PTER: variants seen among roughly 807,000 people sequenced by gnomAD.
The protein encoded by PTER is N-acetyltaurine hydrolase.
A neutral mutation model predicts 29.6 loss-of-function variants in PTER; 38 were observed. The observed-to-expected ratio is 1.28, with a 90% CI of 0.99 to 1.68. The LOEUF (loss-of-function observed/expected upper bound fraction) is 1.68, where lower values mean the gene tolerates loss of function less well. Among genes scored for constraint, PTER ranks in the 40% most tolerant of loss-of-function variants. PTER has a pLI of 0.00. For synonymous variants in PTER, 172 were observed against 154.5 expected, an observed-to-expected ratio of 1.11 and a Z score of -0.84; for missense variants, 482 against 427.8, an observed-to-expected ratio of 1.13 and a Z score of -1.12.
At chr10:16,505,258 C>G (rs1451731168) in intron 4 of PTER, 98 bp downstream of exon 4, 9 of 1,418,772 alleles carry the variant, frequency 6.3e-6, no homozygotes, top group Non-Finnish European at 7.7e-6. Context: ...AAACAGTAAG[C>G]AGGCCGAACC....
downstream of PTER, chr10:16,514,088 A>G: frequency 2.6e-6 from 1 of 381,086 alleles, no homozygotes; most frequent in African/African-American, 2.1e-5. Context: ...TGCAGGGCAA[A>G]AATCATTCTT....
chr10:16,452,634 C>T (rs115282833), intron 1 of PTER, among the ~76,000 whole-genome samples: 2,709 of 151,728 alleles, frequency 0.018, 90 homozygotes, highest in African/African-American at 0.063. Context: ...TCCTCCTCCT[C>T]CTTCTTCCTC....
rs1834508366 is a variant in PTER at position 16,458,952 on chromosome 10, T to C, written c.-49+21905T>C. ...CAATTTTTTCCATGAATAATAACCT[T>C]TTATATATACAACAAAATTAGTCCA... is the stretch of plus-strand genomic sequence containing the variant. On this transcript the variant is annotated intron_variant, in intron 1 of 4. Coordinates refer to ENST00000535784, the MANE Select transcript of PTER (RefSeq NM_001261836.2). Among the ~76,000 whole-genome samples the C allele has an allele frequency of 2.0e-5, 3 of 152,292 alleles. 1 individual carries two copies. Among genetic ancestry groups the C allele is most frequent in the African/African-American group, 2.4e-5 (1 of 41,550 alleles).
At chr10:16,479,741 A>G (rs984926459) in intron 1 of PTER, among the ~76,000 whole-genome samples, 2 of 151,892 alleles carry the variant, frequency 1.3e-5, no homozygotes, top group Non-Finnish European at 2.9e-5. Context: ...TGCCATCTAC[A>G]CTGGTGTCAT....
intron 4 of PTER, among the ~76,000 whole-genome samples, chr10:16,508,262 G>T (rs1328771752): frequency 2.0e-5 from 3 of 151,782 alleles, no homozygotes; most frequent in African/African-American, 4.8e-5. Flanking sequence ...TAGAGACGGG[G>T]TTTCACCGTG....
At chr10:16,481,292 C>T (rs1165495787) in intron 1 of PTER, among the ~76,000 whole-genome samples, 1 of 152,160 alleles carries the variant, frequency 6.6e-6, no homozygotes, top group Non-Finnish European at 1.5e-5. Context: ...CCTGTTTGCA[C>T]CATTGGGTAT....
chr10:16,449,428 CTTTTTTTTTTT>C (rs35475659), intron 1 of PTER, among the ~76,000 whole-genome samples: 2 of 101,858 alleles, frequency 2.0e-5, no homozygotes, highest in South Asian at 7.3e-4. Flanking sequence ...CAATAATTTT[CTTTTTTTTTTT>C]TTTTTTTTTT....
chr10:16,449,921 C>T (rs189896509), intron 1 of PTER, among the ~76,000 whole-genome samples: 1 of 152,160 alleles, frequency 6.6e-6, no homozygotes, highest in African/African-American at 2.4e-5. Context: ...TTTTGATTCA[C>T]ATTTCAGCTA....
intron 3 of PTER, among the ~76,000 whole-genome samples, chr10:16,501,182 C>T (rs1235259381): frequency 1.3e-5 from 2 of 151,876 alleles, no homozygotes; most frequent in Non-Finnish European, 2.9e-5. Context: ...CCACCTGCCT[C>T]AGCCTCCCAA....
intron 3 of PTER, among the ~76,000 whole-genome samples, chr10:16,501,117 G>A (rs2133491805): frequency 6.6e-6 from 1 of 151,936 alleles, no homozygotes; most frequent in East Asian, 1.9e-4. Flanking sequence ...TTTTAGTAAA[G>A]CCAGGGTTTC....
intron 1 of PTER, among the ~76,000 whole-genome samples, chr10:16,462,646 C>T (rs564689386): frequency 8.7e-5 from 13 of 149,978 alleles, no homozygotes; most frequent in Non-Finnish European, 5.9e-5. Context: ...TCTTAGCGCT[C>T]TGTAGACTCC....
intron 3 of PTER, among the ~76,000 whole-genome samples, chr10:16,494,140 G>T (rs1002469093): frequency 6.6e-6 from 1 of 152,142 alleles, no homozygotes; most frequent in Non-Finnish European, 1.5e-5. Flanking sequence ...CATGAAAAAC[G>T]CAACCTCTTT....
At chr10:16,506,312 T>A (rs896106364) in intron 4 of PTER, among the ~76,000 whole-genome samples, 1 of 151,920 alleles carries the variant, frequency 6.6e-6, no homozygotes, top group Admixed American at 6.6e-5. Context: ...GGGTCTGGAG[T>A]TACAAGTCAA....
rs72171974 is a variant in PTER, at chr10:16,500,228, C to CT, written c.699-4778dup. On this transcript the variant is annotated intron_variant, in intron 3 of 4. Coordinates refer to ENST00000535784, the MANE Select transcript of PTER (RefSeq NM_001261836.2). ...AGCGGATAAGAATTCATAGGGATTACTTTTTTTTTTTTTTGAGACAAGGTC... is the reference window on the plus strand; with the variant it reads ...AGCGGATAAGAATTCATAGGGATTACTTTTTTTTTTTTTTTGAGACAAGGTC... Among the ~76,000 whole-genome samples the CT allele has an allele frequency of 6.1e-3, 897 of 146,890 alleles. 9 individuals are homozygous for CT. The highest frequency in any genetic ancestry group is 0.019 in the African/African-American group (746 of 39,902).
chr10:16,479,825 C>T (rs546806887), intron 1 of PTER, among the ~76,000 whole-genome samples: 4 of 151,844 alleles, frequency 2.6e-5, no homozygotes, highest in South Asian at 4.2e-4. Context: ...GTACAACGGG[C>T]CCCCTCCCTT....
At chr10:16,457,610 GT>G (rs1161036829) in intron 1 of PTER, among the ~76,000 whole-genome samples, 1 of 148,740 alleles carries the variant, frequency 6.7e-6, no homozygotes, top group Non-Finnish European at 1.5e-5. Context: ...CTTTGTTTTT[GT>G]TTTTTTGAGA....
intron 3 of PTER, among the ~76,000 whole-genome samples, chr10:16,503,792 G>T (rs575283772): frequency 6.6e-6 from 1 of 152,228 alleles, no homozygotes; most frequent in East Asian, 1.9e-4. Context: ...CACCCACCTC[G>T]GCCTCACAAA....
chr10:16,474,772 A>G (rs567259825), intron 1 of PTER, among the ~76,000 whole-genome samples: 44 of 152,272 alleles, frequency 2.9e-4, no homozygotes, highest in Non-Finnish European at 5.4e-4. Flanking sequence ...CTGTAATCCC[A>G]GCTACTCAGG....
chr10:16,463,212 A>T (rs1484564533), intron 1 of PTER, among the ~76,000 whole-genome samples: 1 of 148,260 alleles, frequency 6.7e-6, no homozygotes, highest in East Asian at 2.0e-4. Flanking sequence ...AAAAAAAAAA[A>T]AAAAAAAAAA....
Sources: allele counts gnomAD v4.1 joint callset (sites outside exome capture counted in the v4.1 genomes callset), GRCh38; gene constraint gnomAD v4.1.1; transcripts MANE v1.5; gene names NCBI Gene and HGNC (gene_info 2026-07-23, HGNC 2026-07-21).